Variants in FSTL5 observed in about 807,000 individuals in gnomAD.
FSTL5 encodes the protein follistatin like 5.
Under a neutral mutation model 89.1 loss-of-function variants are expected in FSTL5, and 62 were observed. The observed-to-expected ratio is 0.70, with a 90% CI of 0.57 to 0.86. The LOEUF is 0.86. FSTL5 is among the 40% of genes least tolerant of loss of function. The pLI, the probability that FSTL5 is intolerant of heterozygous loss-of-function variation, is 0.00. For missense variants in FSTL5, 1,057 were observed against 1,001.6 expected, an observed-to-expected ratio of 1.06 and a Z score of -0.75; for synonymous variants, 383 against 346.2, an observed-to-expected ratio of 1.11 and a Z score of -1.18.
intron 15 of FSTL5, among the ~76,000 whole-genome samples, chr4:161,446,945 A>G (rs1732966335): frequency 6.6e-6 from 1 of 152,046 alleles, no homozygotes. Flanking sequence ...AATCATATGT[A>G]AGACAGAAAA....
chr4:162,149,513 T>C (rs1023885278), intron 1 of FSTL5, among the ~76,000 whole-genome samples: 1 of 151,968 alleles, frequency 6.6e-6, no homozygotes, highest in Non-Finnish European at 1.5e-5. Flanking sequence ...TGTTGTTGCA[T>C]CTCTGTGGTT....
At chr4:161,629,213 A>G (rs896874559) in intron 7 of FSTL5, among the ~76,000 whole-genome samples, 1 of 152,186 alleles carries the variant, frequency 6.6e-6, no homozygotes, top group Non-Finnish European at 1.5e-5. Flanking sequence ...ACCTACTACC[A>G]CATACTACTC....
At chr4:161,769,452 A>G (rs1488292943) in intron 5 of FSTL5, among the ~76,000 whole-genome samples, 2 of 152,024 alleles carry the variant, frequency 1.3e-5, no homozygotes, top group Non-Finnish European at 2.9e-5. Flanking sequence ...ATACTGGCAC[A>G]CTGAATTCAA....
At chr4:161,465,367 G>A (rs1286327235) in intron 13 of FSTL5, among the ~76,000 whole-genome samples, 1 of 151,854 alleles carries the variant, frequency 6.6e-6, no homozygotes, top group Non-Finnish European at 1.5e-5. Context: ...CATTATTCAG[G>A]AATATATAAT....
At chr4:162,056,653 G>A (rs1738553210) in intron 2 of FSTL5, among the ~76,000 whole-genome samples, 1 of 151,992 alleles carries the variant, frequency 6.6e-6, no homozygotes, top group South Asian at 2.1e-4. Flanking sequence ...ATCAGCATTT[G>A]CATACATATC....
At chr4:161,816,394 T>C (rs907805172) in intron 4 of FSTL5, among the ~76,000 whole-genome samples, 1 of 152,248 alleles carries the variant, frequency 6.6e-6, no homozygotes, top group Non-Finnish European at 1.5e-5. Context: ...TTAATTTTCA[T>C]AGTTTTATAT....
At chr4:162,145,369 A>G (rs1470838815) in intron 1 of FSTL5, among the ~76,000 whole-genome samples, 2 of 152,130 alleles carry the variant, frequency 1.3e-5, no homozygotes, top group East Asian at 3.8e-4. Context: ...AAATATCTAT[A>G]AAATGCAAAT....
At chr4:161,821,566 C>G (rs935704431) in intron 4 of FSTL5, among the ~76,000 whole-genome samples, 1 of 152,132 alleles carries the variant, frequency 6.6e-6, no homozygotes, top group Non-Finnish European at 1.5e-5. Context: ...ATCCCTCACC[C>G]TCCTCCCACA....
At chr4:162,083,815 C>T (rs1426391962) in intron 2 of FSTL5, among the ~76,000 whole-genome samples, 3 of 151,614 alleles carry the variant, frequency 2.0e-5, no homozygotes, top group Non-Finnish European at 4.4e-5. Flanking sequence ...ATAAAGAAAA[C>T]ATTAATTAAA....
intron 6 of FSTL5, among the ~76,000 whole-genome samples, chr4:161,723,358 A>G (rs1330454864): frequency 6.6e-6 from 1 of 152,206 alleles, no homozygotes; most frequent in Non-Finnish European, 1.5e-5. Context: ...AATTAAAAAA[A>G]AATCAGTGGA....
At chr4:161,477,833 C>T (rs901306655) in intron 13 of FSTL5, among the ~76,000 whole-genome samples, 2 of 151,864 alleles carry the variant, frequency 1.3e-5, no homozygotes, top group Non-Finnish European at 2.9e-5. Flanking sequence ...AAATGATCAT[C>T]AATGTAGAAA....
At chr4:161,977,622 A>AT (rs1578911345) in intron 3 of FSTL5, among the ~76,000 whole-genome samples, 9 of 79,310 alleles carry the variant, frequency 1.1e-4, no homozygotes, top group African/African-American at 4.3e-4. Context: ...CAAAAAAAAA[A>AT]AAAAAAAAAA....
chr4:162,087,381 T>C (rs1022710293), intron 2 of FSTL5, among the ~76,000 whole-genome samples: 1 of 152,152 alleles, frequency 6.6e-6, no homozygotes, highest in African/African-American at 2.4e-5. Flanking sequence ...GGTTATGAAG[T>C]GTTATATAAA....
At chr4:161,682,126 C>T (rs1029127251) in intron 6 of FSTL5, among the ~76,000 whole-genome samples, 4 of 152,096 alleles carry the variant, frequency 2.6e-5, no homozygotes, top group Non-Finnish European at 5.9e-5. Context: ...ACAAATATTG[C>T]TTAAAATATT....
intron 4 of FSTL5, among the ~76,000 whole-genome samples, chr4:161,877,419 T>A: frequency 2.8e-5 from 1 of 35,980 alleles, no homozygotes; most frequent in African/African-American, 4.5e-5. Flanking sequence ...ATTTTACAGA[T>A]AAAATAGAAA....
intron 4 of FSTL5, among the ~76,000 whole-genome samples, chr4:161,900,994 T>C (rs1257477736): frequency 6.6e-6 from 1 of 152,176 alleles, no homozygotes; most frequent in Middle Eastern, 3.2e-3. Context: ...CGGTCATTTA[T>C]TTGTAATCTG....
rs917860378 is a variant in FSTL5 at position 161,906,700 on chromosome 4, T to C, written c.409+13704A>G. On this transcript the variant is annotated intron_variant, in intron 4 of 15. Transcript: ENST00000306100. ...AAGAAAATTTTATAAATATTTATGA[T>C]GACCTGCAGTCAAATACAGCAAATA... Among the ~76,000 whole-genome samples the C allele has an allele frequency of 4.6e-5, 7 of 152,250 alleles. No homozygotes were observed. In the East Asian group the frequency reaches 1.2e-3, roughly 25 times the overall value.
chr4:161,958,541 G>A (rs769606460), intron 3 of FSTL5, among the ~76,000 whole-genome samples: 2 of 152,020 alleles, frequency 1.3e-5, no homozygotes, highest in Non-Finnish European at 2.9e-5. Flanking sequence ...TTTTATTGAT[G>A]GGAACAAGAA....
At chr4:161,398,672 G>A (rs1731081331) in intron 15 of FSTL5, among the ~76,000 whole-genome samples, 2 of 152,050 alleles carry the variant, frequency 1.3e-5, no homozygotes. Flanking sequence ...TCACAAATTA[G>A]AAGTACATAA....
Sources: gnomAD v4.1 joint callset for allele counts (sites outside exome capture counted in the v4.1 genomes callset) on GRCh38, gnomAD v4.1.1 for gene constraint, MANE v1.5 for transcripts, NCBI Gene and HGNC (gene_info 2026-07-23, HGNC 2026-07-21) for gene names.